Variants in CEP128 observed in about 807,000 individuals in gnomAD.
The protein encoded by CEP128 is centrosomal protein 128, also known as centrosomal protein 128kDa.
In CEP128, 132 loss-of-function variants were observed where a neutral mutation model predicts 156.7. The observed-to-expected ratio is 0.84, with a 90% CI of 0.73 to 0.97. The LOEUF (loss-of-function observed/expected upper bound fraction) is 0.97, where lower values mean the gene tolerates loss of function less well. Among genes scored for constraint, CEP128 ranks in the 50% least tolerant of loss-of-function variants. The pLI, the probability that CEP128 is intolerant of heterozygous loss-of-function variation, is 0.00. For missense variants in CEP128, 1,252 were observed against 1,281.9 expected (o/e 0.98, Z 0.36); for synonymous variants, 469 against 448.9 (o/e 1.04, Z -0.57).
At chr14:80,828,961 G>A (rs1885635018) in intron 13 of CEP128, among the ~76,000 whole-genome samples, 1 of 152,096 alleles carries the variant, frequency 6.6e-6, no homozygotes. Context: ...TAAAAATAAA[G>A]CAGAGACTAA....
intron 18 of CEP128, among the ~76,000 whole-genome samples, chr14:80,754,425 C>T (rs1323216463): frequency 2.7e-5 from 4 of 147,664 alleles, no homozygotes; most frequent in African/African-American, 1.0e-4. Context: ...TGCATATTGT[C>T]TGTCTTTCCT....
chr14:80,527,068 T>C, intron 22 of CEP128, 86 bp from the exon 23 acceptor site: 2 of 647,222 alleles, frequency 3.1e-6, no homozygotes, highest in Non-Finnish European at 5.4e-6. Flanking sequence ...AGTCTATATG[T>C]AGATAAAAAT....
intron 21 of CEP128, among the ~76,000 whole-genome samples, chr14:80,532,085 T>C (rs1889253044): frequency 6.6e-6 from 1 of 152,222 alleles, no homozygotes; most frequent in African/African-American, 2.4e-5. Context: ...TAGCATTAAT[T>C]ATCATATATA....
At chr14:80,747,266 T>C (rs946379354) in intron 18 of CEP128, among the ~76,000 whole-genome samples, 1 of 152,100 alleles carries the variant, frequency 6.6e-6, no homozygotes, top group Non-Finnish European at 1.5e-5. Context: ...CAAATATACA[T>C]GCAAAAACTC....
chr14:80,769,388 C>T (rs1900400622), intron 16 of CEP128, among the ~76,000 whole-genome samples: 2 of 151,988 alleles, frequency 1.3e-5, no homozygotes, highest in Non-Finnish European at 2.9e-5. Flanking sequence ...ATTAACTCGT[C>T]ATTTACATTA....
intron 19 of CEP128, among the ~76,000 whole-genome samples, chr14:80,616,445 T>C (rs915348182): frequency 5.3e-5 from 8 of 152,192 alleles, no homozygotes; most frequent in African/African-American, 1.7e-4. Flanking sequence ...CACTGGGAAA[T>C]AGCAAAGTTG....
intron 19 of CEP128, among the ~76,000 whole-genome samples, chr14:80,729,999 T>TTA (rs1202555133): frequency 6.6e-6 from 1 of 152,160 alleles, no homozygotes; most frequent in African/African-American, 2.4e-5. Context: ...GAGGCCTCAC[T>TTA]GATGTGGAAT....
At chr14:80,911,258 G>A (rs372461628) in intron 4 of CEP128, among the ~76,000 whole-genome samples, 27 of 152,316 alleles carry the variant, frequency 1.8e-4, no homozygotes, top group Middle Eastern at 3.4e-3. Context: ...CAGCACTTTG[G>A]GAGGCCAAGG....
intron 19 of CEP128, among the ~76,000 whole-genome samples, chr14:80,623,942 C>T (rs1893600295): frequency 6.6e-6 from 1 of 152,122 alleles, no homozygotes; most frequent in Non-Finnish European, 1.5e-5. Context: ...ATTCAAAATC[C>T]TCTCTTCTAG....
rs376265093 is a variant in CEP128 at position 80,785,449 on chromosome 14, G to T, written c.1657C>A (p.Arg553Ser). The T allele has an allele frequency of 6.2e-6, 10 of 1,613,688 alleles. No homozygotes were observed. Among genetic ancestry groups the T allele is most frequent in the South Asian group, 4.4e-5 (4 of 91,072 alleles). ...RKELNDVLTK[R>S]ALQEEELHSK... is the part of the protein sequence containing the mutation. ...TGAAGCTCCTCCTCCTGAAGGGCAC[G>T]CTTTGTTAGGACATCATTCAATTCC... The change falls in exon 15 of 25, where the codon CGT (arginine) becomes AGT (serine). Residue 553 changes from arginine to serine, a missense_variant. Coordinates refer to ENST00000555265, the MANE Select transcript of CEP128 (RefSeq NM_152446.5).
At chr14:80,562,145 C>T (rs1362030940) in intron 20 of CEP128, among the ~76,000 whole-genome samples, 2 of 151,838 alleles carry the variant, frequency 1.3e-5, no homozygotes, top group East Asian at 1.9e-4. Flanking sequence ...CCAGGATGGT[C>T]TCGATCTCCT....
chr14:80,811,719 GTGTT>G (rs1327280039), intron 13 of CEP128, among the ~76,000 whole-genome samples: 1 of 151,366 alleles, frequency 6.6e-6, no homozygotes, highest in African/African-American at 2.4e-5. Flanking sequence ...GAGTGTGGGT[GTGTT>G]TGTATGTATG....
At chr14:80,501,546 C>T (rs1032926996) in intron 24 of CEP128, among the ~76,000 whole-genome samples, 1 of 151,264 alleles carries the variant, frequency 6.6e-6, no homozygotes, top group Admixed American at 6.6e-5. Context: ...GCTCTGTCAC[C>T]CAGGCTGGAG....
intron 21 of CEP128, among the ~76,000 whole-genome samples, chr14:80,553,514 T>G (rs546357501): frequency 1.3e-4 from 20 of 152,200 alleles, no homozygotes; most frequent in African/African-American, 4.8e-4. Context: ...ACTTATATAT[T>G]CCTTTGCCAA....
At chr14:80,760,357 C>G (rs1005986190) in intron 17 of CEP128, among the ~76,000 whole-genome samples, 7 of 151,764 alleles carry the variant, frequency 4.6e-5, no homozygotes, top group Admixed American at 3.3e-4. Context: ...CCATTAAAGA[C>G]AAATTCTAAA....
In CEP128 at chr14:80,785,338, T is replaced by C; in HGVS notation, c.1768A>G (p.Arg590Gly). The C allele has an allele frequency of 1.2e-6, 2 of 1,614,150 alleles. No individual in the cohort carries two copies. The highest frequency in any genetic ancestry group is 2.2e-5 in the South Asian group (2 of 91,080). Residue 590 changes from arginine (R) to glycine (G), a missense_variant, in exon 15 of 25, where the codon AGA becomes GGA. Transcript: ENST00000555265. ...EVKNSLDTIH[R>G]LESELKKQSK... is the part of the protein sequence containing the mutation. ...TGCTTTTTCAATTCGCTCTCCAGTC[T>C]ATGGATGGTATCCAGGGAATTCTTA...
In CEP128 at chr14:80,675,515, G is replaced by A. The variant is rs982041124; in HGVS notation, c.2806+67560C>T. On this transcript the variant is annotated intron_variant, in intron 19 of 24. Transcript: ENST00000555265. ...TGGGATTTTATTGAATTACTAACTT[G>A]AGATTATGTCACATTTCTTCCTAAG... is the stretch of plus-strand genomic sequence containing the variant. 2.0e-5 allele frequency among the ~76,000 whole-genome samples: 3 copies of A among 152,100 alleles called. No individual in the cohort carries two copies. In the East Asian group the frequency reaches 5.8e-4, roughly 29 times the overall value.
chr14:80,876,521 T>C (rs772535926), intron 8 of CEP128, among the ~76,000 whole-genome samples: 19 of 149,988 alleles, frequency 1.3e-4, no homozygotes, highest in Admixed American at 2.7e-4. Flanking sequence ...CGCGTGAAAC[T>C]GGGAGGCAAA....
In CEP128 at chr14:80,746,584, TA is replaced by T. The variant is rs546823634; in HGVS notation, c.2614-3318del. On this transcript the variant is annotated intron_variant, in intron 18 of 24. Coordinates refer to ENST00000555265, the MANE Select transcript of CEP128 (RefSeq NM_152446.5). The stretch of plus-strand genomic sequence containing the variant: ...CCTACTTCACACCATATACAAAAAC[TA>T]ATTCAAAAAGGATCACAGATCTAAA... Among the ~76,000 whole-genome samples the T allele has an allele frequency of 1.5e-3, 233 of 152,208 alleles. 1 individual carries two copies. The highest frequency in any genetic ancestry group is 2.7e-3 in the Admixed American group (41 of 15,288).
Sources: allele counts gnomAD v4.1 joint callset (sites outside exome capture counted in the v4.1 genomes callset), GRCh38; gene constraint gnomAD v4.1.1; transcripts MANE v1.5; gene names NCBI Gene and HGNC (gene_info 2026-07-23, HGNC 2026-07-21).